Variants in KIF13A observed in about 807,000 individuals in gnomAD.
KIF13A encodes the protein kinesin-like protein KIF13A.
KIF13A carries 79 observed loss-of-function variants against 212.2 expected under a neutral mutation model. That is an observed-to-expected ratio of 0.37 (90% CI 0.31 to 0.45). KIF13A has a LOEUF of 0.45. KIF13A is among the 20% of genes least tolerant of loss of function. The probability of loss-of-function intolerance (pLI) is 1.00; values close to 1 mark genes in which losing one functional copy is unlikely to be tolerated. For synonymous variants in KIF13A, 789 were observed against 808.6 expected (o/e 0.98, Z 0.41); for missense variants, 1,901 against 2,209.0 (o/e 0.86, Z 2.79).
At chr6:17,844,387 G>A (rs556874673) in intron 9 of KIF13A, among the ~76,000 whole-genome samples, 7 of 152,236 alleles carry the variant, frequency 4.6e-5, no homozygotes, top group South Asian at 4.1e-4. Context: ...ACTTTAAAAT[G>A]TTACTGTATA....
chr6:17,773,344 AAC>A lies in KIF13A; in HGVS notation c.4324+132_4324+133del. ...GTGAATGTTATATGTTACATTCAATAACAGTTTTGTATCATCTAGTTAACTAG... is the reference window on the plus strand; with the variant it reads ...GTGAATGTTATATGTTACATTCAATAAGTTTTGTATCATCTAGTTAACTAG... On this transcript the variant is annotated intron_variant, in intron 36 of 38. Transcript: ENST00000259711. The surrounding 1 kb of genome is among the most constrained non-coding windows in gnomAD (Gnocchi z 4.2). 2.0e-6 allele frequency: 1 copy of A among 506,182 alleles called. No individual in the cohort carries two copies. The allele number at this position is 506,182 out of a possible 1,614,324, so 31.4% of individuals were successfully genotyped here.
intron 20 of KIF13A, among the ~76,000 whole-genome samples, chr6:17,802,323 C>G (rs2150335341): frequency 6.7e-6 from 1 of 149,792 alleles, no homozygotes; most frequent in East Asian, 1.9e-4. Context: ...CGGAGTTTCG[C>G]TCTTGTTGCC....
intron 2 of KIF13A, among the ~76,000 whole-genome samples, chr6:17,960,199 A>G (rs1173082822): frequency 6.6e-6 from 1 of 152,120 alleles, no homozygotes; most frequent in Middle Eastern, 3.2e-3. Context: ...GTAAAATCAT[A>G]AAAAAAGGTT....
At chr6:17,904,608 G>A (rs1370006847) in intron 2 of KIF13A, among the ~76,000 whole-genome samples, 2 of 151,730 alleles carry the variant, frequency 1.3e-5, no homozygotes, top group Admixed American at 6.6e-5. Flanking sequence ...TAAAATAAAG[G>A]AGGATAAATA....
chr6:17,933,477 C>A (rs1350170970), intron 2 of KIF13A, among the ~76,000 whole-genome samples: 2 of 146,894 alleles, frequency 1.4e-5, no homozygotes, highest in Non-Finnish European at 3.0e-5. Flanking sequence ...CTCCTGGACT[C>A]AAGTGATCCT....
rs1264249352 is a variant in KIF13A, at chr6:17,787,858, G to A, written c.3279C>T (p.Cys1093=). The change falls in exon 27 of 39, where the codon TGC becomes TGT. Residue 1093 remains cysteine (C), a synonymous_variant. Coordinates refer to ENST00000259711, the MANE Select transcript of KIF13A (RefSeq NM_022113.6). The surrounding 1 kb of genome is among the most constrained non-coding windows in gnomAD (Gnocchi z 4.6). ...MDSYQEEDLN[C]VRERWSDALI... ...GTGCATCTGACCACCTCTCCCTTACGCAGTTTAAGTCTTCTTCCTAACATC... is the reference window on the plus strand; with the variant it reads ...GTGCATCTGACCACCTCTCCCTTACACAGTTTAAGTCTTCTTCCTAACATC... The A allele has an allele frequency of 1.2e-6, 2 of 1,607,620 alleles. No individual in the cohort carries two copies. Among genetic ancestry groups the A allele is most frequent in the African/African-American group, 1.3e-5 (1 of 74,766 alleles).
chr6:17,917,474 C>T (rs552658534), intron 2 of KIF13A, among the ~76,000 whole-genome samples: 1 of 152,168 alleles, frequency 6.6e-6, no homozygotes, highest in Non-Finnish European at 1.5e-5. Flanking sequence ...CCCCTGGCCT[C>T]AAGTTATCCA....
At position 17,914,720 on chromosome 6, in the gene KIF13A, C is replaced by A. The variant is rs1283903548; in HGVS notation, c.147-16540G>T. Among the ~76,000 whole-genome samples the A allele has an allele frequency of 6.6e-6, 1 of 152,158 alleles. No individual in the cohort carries two copies. Among genetic ancestry groups the A allele is most frequent in the African/African-American group, 2.4e-5 (1 of 41,432 alleles). On this transcript the variant is annotated intron_variant, in intron 2 of 38. Coordinates refer to ENST00000259711, the MANE Select transcript of KIF13A (RefSeq NM_022113.6). This position sits in a 1 kb window ranked among gnomAD's most constrained non-coding sequence, Gnocchi z 5.9. ...GTGTTCTCCAGGCCACCTCACAGAGCTCCTGCTGCTAATTGCCATGGCTGC... is the reference window on the plus strand; with the variant it reads ...GTGTTCTCCAGGCCACCTCACAGAGATCCTGCTGCTAATTGCCATGGCTGC...
At chr6:17,814,748 G>C (rs1369121505) in intron 17 of KIF13A, among the ~76,000 whole-genome samples, 1 of 152,136 alleles carries the variant, frequency 6.6e-6, no homozygotes, top group Non-Finnish European at 1.5e-5. Context: ...ATAAAAGACT[G>C]GACTATGGCA....
At chr6:17,792,196 C>CAAAAAAAAA (rs10666115) in intron 25 of KIF13A, among the ~76,000 whole-genome samples, 1 of 75,116 alleles carries the variant, frequency 1.3e-5, no homozygotes, top group African/African-American at 5.5e-5. Flanking sequence ...GAGTGAGACT[C>CAAAAAAAAA]AAAAAAAAAA....
At chr6:17,790,067 AT>A (rs1761401482) in intron 25 of KIF13A, among the ~76,000 whole-genome samples, 157 bp from the exon 26 acceptor site, 1 of 152,242 alleles carries the variant, frequency 6.6e-6, no homozygotes, top group Non-Finnish European at 1.5e-5. Context: ...GGTAAAATGG[AT>A]TTAATTCACT....
At chr6:17,920,173 A>G (rs1042727557) in intron 2 of KIF13A, among the ~76,000 whole-genome samples, 1 of 152,182 alleles carries the variant, frequency 6.6e-6, no homozygotes, top group Non-Finnish European at 1.5e-5. Flanking sequence ...ACATACTCCA[A>G]TGAGGCACGA....
chr6:17,865,583 C>T (rs1294401860), intron 4 of KIF13A, among the ~76,000 whole-genome samples: 1 of 152,158 alleles, frequency 6.6e-6, no homozygotes, highest in Non-Finnish European at 1.5e-5. Flanking sequence ...TCTCAAAAAT[C>T]TTTGGTGTAT....
At chr6:17,822,322 C>A (rs533519969) in intron 16 of KIF13A, among the ~76,000 whole-genome samples, 270 of 152,232 alleles carry the variant, frequency 1.8e-3, no homozygotes, top group Non-Finnish European at 3.3e-3. Flanking sequence ...GGATTACAAG[C>A]ATGAGCCACT....
In KIF13A at chr6:17,856,595, A is replaced by T. The variant is rs1768163061; in HGVS notation, c.221-473T>A. ...ACCGTTAGTTGCTGAGGATGGATTG[A>T]CAACTTCAGCTGCTGTTTGTAGATT... On this transcript the variant is annotated intron_variant, in intron 4 of 38. Coordinates refer to ENST00000259711, the MANE Select transcript of KIF13A (RefSeq NM_022113.6). The surrounding 1 kb of genome is among the most constrained non-coding windows in gnomAD (Gnocchi z 4.5). Among the ~76,000 whole-genome samples, 1 of 152,184 alleles carries T rather than the reference A, an allele frequency of 6.6e-6. No homozygotes were observed. Among genetic ancestry groups the T allele is most frequent in the Non-Finnish European group, 1.5e-5 (1 of 68,032 alleles).
intron 2 of KIF13A, among the ~76,000 whole-genome samples, chr6:17,955,785 T>C (rs1362281546): frequency 2.0e-5 from 3 of 152,206 alleles, no homozygotes; most frequent in Non-Finnish European, 4.4e-5. Context: ...CTGCACCAAT[T>C]CAGTGTAGTT....
chr6:17,933,983 T>C (rs1447288751), intron 2 of KIF13A, among the ~76,000 whole-genome samples: 1 of 152,208 alleles, frequency 6.6e-6, no homozygotes, highest in Admixed American at 6.5e-5. Flanking sequence ...TATGGAAACA[T>C]AGGATTTCAA....
chr6:17,781,487 T>A (rs988876949), intron 29 of KIF13A, among the ~76,000 whole-genome samples, 186 bp from the exon 30 acceptor site: 4 of 152,264 alleles, frequency 2.6e-5, no homozygotes, highest in South Asian at 2.1e-4. Flanking sequence ...TTTTCTTTTT[T>A]AAAAAATCAT....
intron 16 of KIF13A, among the ~76,000 whole-genome samples, chr6:17,817,960 T>C (rs59604669): frequency 0.012 from 1,850 of 151,826 alleles, 39 homozygotes; most frequent in African/African-American, 0.043. Context: ...GGTTGTGGTA[T>C]AGGTAAATCC....
Sources: gnomAD v4.1 joint callset for allele counts (sites outside exome capture counted in the v4.1 genomes callset) on GRCh38, gnomAD v4.1.1 for gene constraint, Gnocchi (gnomAD v3.1) non-coding constraint, MANE v1.5 for transcripts, NCBI Gene and HGNC (gene_info 2026-07-23, HGNC 2026-07-21) for gene names.